The following CLCN5 variants were observed in gnomAD, a reference collection of about 807,000 sequenced individuals.
CLCN5 encodes H(+)/Cl(-) exchange transporter 5.
CLCN5 carries 17 observed loss-of-function variants against 54.0 expected under a neutral mutation model. That is an observed-to-expected ratio of 0.31 (90% CI 0.22 to 0.47). CLCN5 has a LOEUF of 0.47. CLCN5 is among the 20% of genes least tolerant of loss of function. The probability of loss-of-function intolerance (pLI) is 1.00; values close to 1 mark genes in which losing one functional copy is unlikely to be tolerated. For missense variants in CLCN5, 448 were observed against 646.7 expected (o/e 0.69, Z 3.33); for synonymous variants, 222 against 233.0 (o/e 0.95, Z 0.43).
At chrX:50,077,993 A>ACTCCAGC (rs1933512913) in intron 7 of CLCN5, among the ~76,000 whole-genome samples, 1 of 102,888 alleles carries the variant, frequency 9.7e-6, no homozygotes, top group Non-Finnish European at 2.0e-5. Context: ...GCACCACTGC[A>ACTCCAGC]CTCCAGCCTG....
chrX:50,060,018 T>C, intron 4 of CLCN5, among the ~76,000 whole-genome samples: 1 of 105,544 alleles, frequency 9.5e-6, no homozygotes, highest in South Asian at 4.6e-4. Flanking sequence ...CTTCAGATAC[T>C]GTTACAGGTA....
intron 3 of CLCN5, among the ~76,000 whole-genome samples, chrX:49,951,147 C>A (rs142850291): frequency 8.9e-6 from 1 of 111,893 alleles, no homozygotes; most frequent in African/African-American, 3.2e-5. Flanking sequence ...TGACCCATTT[C>A]TTTGTGCTTT....
At chrX:50,009,308 G>A (rs1930368413) in intron 3 of CLCN5, among the ~76,000 whole-genome samples, 1 of 112,063 alleles carries the variant, frequency 8.9e-6, no homozygotes, top group African/African-American at 3.2e-5. Context: ...ATTGGGTGAT[G>A]AGACTTGCAC....
intron 4 of CLCN5, among the ~76,000 whole-genome samples, chrX:50,064,030 A>G (rs1443242783): frequency 2.8e-5 from 3 of 105,830 alleles, no homozygotes; most frequent in Non-Finnish European, 1.9e-5. Context: ...AGAGCTATCT[A>G]TGACAAACCC....
chrX:49,959,541 CTG>C (rs1177216609), intron 3 of CLCN5, among the ~76,000 whole-genome samples: 1 of 112,101 alleles, frequency 8.9e-6, no homozygotes, highest in African/African-American at 3.2e-5. Flanking sequence ...CTTGATGACA[CTG>C]TTTTCTCCAC....
chrX:50,039,902 A>G (rs1380956079), intron 3 of CLCN5, among the ~76,000 whole-genome samples: 15 of 111,332 alleles, frequency 1.3e-4, no homozygotes, highest in African/African-American at 4.6e-4. Flanking sequence ...CATGTTAGTC[A>G]AGCTGGTCTC....
At position 50,095,025 on chromosome X, in the gene CLCN5, A is replaced by G. The variant is rs1204549361; in HGVS notation, c.*2806A>G. 3 of 112,642 alleles carry G rather than the reference A, an allele frequency of 2.7e-5. No homozygotes were observed. The highest frequency in any genetic ancestry group is 5.6e-5 in the Non-Finnish European group (3 of 53,339). 9.3% of individuals were successfully genotyped at this position (112,642 alleles called of 1,213,427 possible). A position where few individuals can be genotyped will look rare whatever the true frequency, so the allele number is the denominator to read the frequency against. Reference sequence around the variant, plus strand: ...TAGCATCAAATGGCCACATACCTCAATGGCAAAAGACTAGATGGTTTGTGA... The same window carrying G: ...TAGCATCAAATGGCCACATACCTCAGTGGCAAAAGACTAGATGGTTTGTGA... On this transcript the variant is annotated 3_prime_UTR_variant, in exon 15 of 15. Transcript: ENST00000376091.
intron 3 of CLCN5, among the ~76,000 whole-genome samples, chrX:49,927,277 T>C (rs1401458102): frequency 8.9e-6 from 1 of 112,446 alleles, no homozygotes; most frequent in Non-Finnish European, 1.9e-5. Flanking sequence ...GTTTAACAAC[T>C]CTTAATCAAA....
intron 3 of CLCN5, among the ~76,000 whole-genome samples, chrX:49,980,631 G>A (rs781828201): frequency 6.3e-4 from 70 of 111,839 alleles, no homozygotes; most frequent in African/African-American, 2.2e-3. Flanking sequence ...CTGAAAATAC[G>A]GAGTTTTCTC....
Position 50,086,557 on chromosome X carries a change from G to T in CLCN5, c.1244G>T (p.Arg415Leu), listed in dbSNP as rs190451218. The change falls in exon 11 of 15, where the codon CGG becomes CTG. Residue 415 changes from arginine (R) to leucine (L), a missense_variant. Arg to Leu is a moderately radical substitution (Grantham distance 102). Coordinates refer to ENST00000376091, the MANE Select transcript of CLCN5 (RefSeq NM_001127898.4). Reference sequence around the variant, plus strand: ...ATCCGCACAAACATTGCCTGGTGTCGGAAGCGAAAGACCACCCAGTTGGGC... The same window carrying T: ...ATCCGCACAAACATTGCCTGGTGTCTGAAGCGAAAGACCACCCAGTTGGGC... ...LFIRTNIAWC[R>L]KRKTTQLGKY... 39 of 1,208,482 alleles carry T rather than the reference G, an allele frequency of 3.2e-5. No homozygotes were observed. Among genetic ancestry groups the T allele is most frequent in the Non-Finnish European group, 4.4e-5 (39 of 894,975 alleles).
chrX:50,058,828 C>CT (rs1158849077), intron 4 of CLCN5, among the ~76,000 whole-genome samples: 213 of 107,932 alleles, frequency 2.0e-3, no homozygotes, highest in African/African-American at 6.6e-3. Context: ...ATAAGTTTTA[C>CT]TTTTTTTTTT....
At chrX:49,996,334 G>A (rs1557179651) in intron 3 of CLCN5, among the ~76,000 whole-genome samples, 1 of 111,425 alleles carries the variant, frequency 9.0e-6, no homozygotes, top group African/African-American at 3.3e-5. Flanking sequence ...CCTAGTTCAG[G>A]CCCTCCTGAA....
intron 4 of CLCN5, among the ~76,000 whole-genome samples, chrX:50,059,941 A>G (rs1189150478): frequency 9.5e-6 from 1 of 104,913 alleles, no homozygotes; most frequent in Non-Finnish European, 1.9e-5. Context: ...TATAGCTGCT[A>G]AAGTGTGAAA....
At chrX:50,077,621 AGTGTGTGTGTGTGT>A (rs34262397) in intron 7 of CLCN5, among the ~76,000 whole-genome samples, 2 of 78,701 alleles carry the variant, frequency 2.5e-5, no homozygotes, top group African/African-American at 5.4e-5. Flanking sequence ...AGAGAGAGAG[AGTGTGTGTGTGTGT>A]GTGTGTGTGT....
intron 3 of CLCN5, among the ~76,000 whole-genome samples, chrX:50,010,018 A>G (rs1056821554): frequency 3.6e-5 from 4 of 110,619 alleles, no homozygotes; most frequent in Non-Finnish European, 3.8e-5. Flanking sequence ...CTTTGTCACC[A>G]CTCATTGCCC....
At chrX:50,057,748 A>G (rs1228437338) in intron 4 of CLCN5, among the ~76,000 whole-genome samples, 10 of 107,331 alleles carry the variant, frequency 9.3e-5, no homozygotes, top group African/African-American at 3.4e-4. Flanking sequence ...TGGCCACTGG[A>G]CTTAATTGAG....
At chrX:49,952,623 A>G in intron 3 of CLCN5, among the ~76,000 whole-genome samples, 1 of 110,940 alleles carries the variant, frequency 9.0e-6, no homozygotes. Flanking sequence ...TTTTCCTTTT[A>G]TAGAATTCTA....
intron 7 of CLCN5, 109 bp from the exon 8 acceptor site, chrX:50,080,485 T>TCGC: frequency 3.7e-6 from 1 of 271,512 alleles, no homozygotes. Context: ...ATCTCGGTGG[T>TCGC]TTTTTTTTTT....
chrX:49,969,151 C>A (rs1928066307), intron 3 of CLCN5, among the ~76,000 whole-genome samples: 1 of 110,199 alleles, frequency 9.1e-6, no homozygotes, highest in African/African-American at 3.3e-5. Flanking sequence ...GATCTCAGCT[C>A]ACTGCAACCT....
Sources: allele counts gnomAD v4.1 joint callset (sites outside exome capture counted in the v4.1 genomes callset), GRCh38; gene constraint gnomAD v4.1.1; transcripts MANE v1.5; gene names NCBI Gene and HGNC (gene_info 2026-07-23, HGNC 2026-07-21).